Variants in RRAGD observed in about 807,000 individuals in gnomAD.
RRAGD encodes Ras related GTP binding D.
Under a neutral mutation model 35.5 loss-of-function variants are expected in RRAGD, and 12 were observed. The observed-to-expected ratio is 0.34, with a 90% CI of 0.22 to 0.55. RRAGD has a LOEUF of 0.55. RRAGD is among the 20% of genes least tolerant of loss of function. RRAGD has a pLI of 0.91. For synonymous variants in RRAGD, 155 were observed against 178.9 expected, an observed-to-expected ratio of 0.87 and a Z score of 1.07; for missense variants, 324 against 490.1, an observed-to-expected ratio of 0.66 and a Z score of 3.20.
intron 1 of RRAGD, among the ~76,000 whole-genome samples, chr6:89,407,096 G>T (rs1387130686): frequency 5.9e-5 from 9 of 152,194 alleles, no homozygotes; most frequent in Non-Finnish European, 1.2e-4. Flanking sequence ...GCTTTACGCA[G>T]TCCTCTATTT....
chr6:89,372,522 A>G lies in RRAGD; in HGVS notation c.966T>C (p.Asn322=). Residue 322 remains asparagine, a synonymous_variant, in exon 6 of 7, where the codon AAT becomes AAC. Transcript: ENST00000369415. ...DKESTAIIKL[N]NTTVLYLKEV... ...CTTTTAAATAAAGCACGGTTGTATTATTAAGCTTTATGATGGCTGTGGATT... is the reference window on the plus strand; with the variant it reads ...CTTTTAAATAAAGCACGGTTGTATTGTTAAGCTTTATGATGGCTGTGGATT... 1 of 1,607,362 alleles carries G rather than the reference A, an allele frequency of 6.2e-7. No homozygotes were observed. The highest frequency in any genetic ancestry group is 8.5e-7 in the Non-Finnish European group (1 of 1,177,548).
In RRAGD at chr6:89,372,687, A is replaced by G. The variant is rs186799113; in HGVS notation, c.903-102T>C. On this transcript the variant is annotated intron_variant, in intron 5 of 6. Coordinates refer to ENST00000369415, the MANE Select transcript of RRAGD (RefSeq NM_021244.5). ...CTTTAAGCCACAAAAAGTGATAATC[A>G]TAAGTTGTTTACACTTGCAGTGCCT... The G allele has an allele frequency of 2.4e-4, 296 of 1,256,976 alleles. 1 individual carries two copies. The highest frequency in any genetic ancestry group is 9.3e-4 in the East Asian group (37 of 39,792). The allele number at this position is 1,256,976 out of a possible 1,614,324, so 77.9% of individuals were successfully genotyped here.
chr6:89,389,520 C>T (rs1429598805), intron 1 of RRAGD, among the ~76,000 whole-genome samples: 3 of 141,774 alleles, frequency 2.1e-5, no homozygotes, highest in Non-Finnish European at 4.5e-5. Flanking sequence ...CATGCCACTG[C>T]ACTCCAGCCT....
intron 1 of RRAGD, among the ~76,000 whole-genome samples, chr6:89,392,724 A>G (rs1394610876): frequency 1.3e-5 from 2 of 152,220 alleles, no homozygotes; most frequent in African/African-American, 4.8e-5. Flanking sequence ...CATTTACTAT[A>G]TATAATACTT....
At chr6:89,399,234 G>A (rs1468539611) in intron 1 of RRAGD, among the ~76,000 whole-genome samples, 1 of 152,224 alleles carries the variant, frequency 6.6e-6, no homozygotes, top group African/African-American at 2.4e-5. Context: ...CTGTGAAGGG[G>A]GGAGGGAGTA....
chr6:89,386,492 G>T (rs1769139197), intron 2 of RRAGD, among the ~76,000 whole-genome samples: 1 of 152,152 alleles, frequency 6.6e-6, no homozygotes, highest in Admixed American at 6.6e-5. Context: ...CCAATTCTTT[G>T]CGTCCAACAA....
chr6:89,402,038 ATTTTTT>A (rs71556520), intron 1 of RRAGD, among the ~76,000 whole-genome samples: 10 of 78,440 alleles, frequency 1.3e-4, no homozygotes, highest in South Asian at 5.5e-4. Context: ...AATCCTAAGG[ATTTTTT>A]TTTTTTTTTT....
rs1768718333 is a variant in RRAGD, at chr6:89,365,185, T to G, written c.*2871A>C. ...AATGTCAACCAGTTTTTGCTTTATA[T>G]TCCTTCAAAAACATTCCACCCTGGT... On this transcript the variant is annotated 3_prime_UTR_variant, in exon 7 of 7. Transcript: ENST00000369415. The G allele has an allele frequency of 1.3e-5, 2 of 152,228 alleles. No individual in the cohort carries two copies. Among genetic ancestry groups the G allele is most frequent in the Non-Finnish European group, 2.9e-5 (2 of 68,036 alleles). 9.4% of individuals were successfully genotyped at this position (152,228 alleles called of 1,614,324 possible).
intron 2 of RRAGD, among the ~76,000 whole-genome samples, chr6:89,387,036 T>C (rs192197515): frequency 1.4e-3 from 213 of 152,350 alleles, no homozygotes; most frequent in Non-Finnish European, 1.5e-3. Flanking sequence ...ATGACATATT[T>C]GGCCTAAATG....
chr6:89,404,026 A>G (rs1350065335), intron 1 of RRAGD, among the ~76,000 whole-genome samples: 2 of 152,226 alleles, frequency 1.3e-5, no homozygotes, highest in South Asian at 2.1e-4. Context: ...CATTTTTCCC[A>G]TATGGGTTAT....
chr6:89,386,032 G>A (rs1019692994), intron 2 of RRAGD, among the ~76,000 whole-genome samples: 9 of 152,138 alleles, frequency 5.9e-5, no homozygotes, highest in Non-Finnish European at 1.2e-4. Flanking sequence ...TTAGCGGGGC[G>A]ATGCACACCC....
intron 1 of RRAGD, among the ~76,000 whole-genome samples, chr6:89,401,267 T>C (rs948945380): frequency 3.9e-5 from 6 of 151,922 alleles, no homozygotes; most frequent in African/African-American, 1.2e-4. Context: ...AATATATTTT[T>C]TTTTTTTTGA....
chr6:89,378,810 T>G (rs1328373055), intron 4 of RRAGD, among the ~76,000 whole-genome samples: 5 of 152,226 alleles, frequency 3.3e-5, no homozygotes, highest in Admixed American at 1.3e-4. Context: ...CAGGCTGGAG[T>G]GCAGTGGCAC....
intron 1 of RRAGD, among the ~76,000 whole-genome samples, chr6:89,407,294 A>AT (rs200143920): frequency 6.6e-6 from 1 of 152,164 alleles, no homozygotes; most frequent in East Asian, 1.9e-4. Context: ...AACAAAAAAT[A>AT]TTTTTTTAAA....
At chr6:89,395,684 A>G (rs923909582) in intron 1 of RRAGD, among the ~76,000 whole-genome samples, 1 of 152,190 alleles carries the variant, frequency 6.6e-6, no homozygotes, top group Non-Finnish European at 1.5e-5. Context: ...GCATACAATA[A>G]ATATGTGGGT....
rs148684631 is a variant in RRAGD at position 89,412,257 on chromosome 6, G to GGAGAGAGA, written c.-272_-265dup. On this transcript the variant is annotated 5_prime_UTR_variant, in exon 1 of 7. Transcript: ENST00000369415. This position sits in a 1 kb window ranked among gnomAD's most constrained non-coding sequence, Gnocchi z 4.2. ...AGCGCGGCAGTTCCTCCCGGAGGAG[G>GGAGAGAGA]GAGAGAGAGAGAGACTGCGTGACCC... 5.3e-5 allele frequency: 12 copies of GGAGAGAGA among 225,566 alleles called. No homozygotes were observed. The highest frequency in any genetic ancestry group is 4.0e-4 in the Admixed American group (7 of 17,306). The allele number at this position is 225,566 out of a possible 1,614,324, so 14.0% of individuals were successfully genotyped here.
rs528155948 is a variant in RRAGD, at chr6:89,383,571, A to G, written c.445-3204T>C. ...ACAAGCACCAGCACAGGTCAAGAAG[A>G]AACTCTCTTTTGGATCCATAGCACA... On this transcript the variant is annotated intron_variant, in intron 2 of 6. Coordinates refer to ENST00000369415, the MANE Select transcript of RRAGD (RefSeq NM_021244.5). Among the ~76,000 whole-genome samples, 9 of 152,318 alleles carry G rather than the reference A, an allele frequency of 5.9e-5. No individual in the cohort carries two copies. The South Asian group carries it at 1.9e-3, about 32-fold the overall frequency.
In RRAGD at chr6:89,380,305, A is replaced by C. The variant is rs16881819; in HGVS notation, c.507T>G (p.Asn169Lys). 1 of 1,614,226 alleles carries C rather than the reference A, an allele frequency of 6.2e-7. No individual in the cohort carries two copies. Among genetic ancestry groups the C allele is most frequent in the East Asian group, 2.2e-5 (1 of 44,884 alleles). The change falls in exon 3 of 7, where the codon AAT becomes AAG. Residue 169 changes from asparagine (N) to lysine (K), a missense_variant. Coordinates refer to ENST00000369415, the MANE Select transcript of RRAGD (RefSeq NM_021244.5). The stretch of plus-strand genomic sequence containing the variant: ...TAAACACCTCGAAGTTGATGTCAGT[A>C]TTCACTTTGTAGGCCCTGGTCACCG... ...HLTVTRAYKV[N>K]TDINFEVFIH...
chr6:89,391,262 G>C (rs1178735085), intron 1 of RRAGD, among the ~76,000 whole-genome samples: 6 of 151,078 alleles, frequency 4.0e-5, no homozygotes. Flanking sequence ...GCATGCATCT[G>C]TAATTCCAGC....
Sources: allele counts gnomAD v4.1 joint callset (sites outside exome capture counted in the v4.1 genomes callset), GRCh38; gene constraint gnomAD v4.1.1; non-coding constraint Gnocchi (gnomAD v3.1); transcripts MANE v1.5; gene names NCBI Gene and HGNC (gene_info 2026-07-23, HGNC 2026-07-21).